Variants in NTRK2 observed in about 807,000 individuals in gnomAD.
NTRK2 encodes the protein BDNF/NT-3 growth factors receptor.
In NTRK2, 13 loss-of-function variants were observed where a neutral mutation model predicts 94.5. The observed-to-expected ratio is 0.14, with a 90% confidence interval of 0.09 to 0.22. The LOEUF is 0.22. Ranked by LOEUF, NTRK2 falls within the 10% of genes least tolerant of loss-of-function variation. The probability of loss-of-function intolerance (pLI) is 1.00; values close to 1 mark genes in which losing one functional copy is unlikely to be tolerated. For synonymous variants in NTRK2, 372 were observed against 407.4 expected, an observed-to-expected ratio of 0.91 and a Z score of 1.05; for missense variants, 639 against 1,071.2, an observed-to-expected ratio of 0.60 and a Z score of 5.63.
intron 12 of NTRK2, among the ~76,000 whole-genome samples, chr9:84,807,853 T>A (rs533171840): frequency 6.6e-6 from 1 of 152,204 alleles, no homozygotes; most frequent in Non-Finnish European, 1.5e-5. Flanking sequence ...CAATATGTAG[T>A]GAAATATCTT....
intron 17 of NTRK2, among the ~76,000 whole-genome samples, chr9:85,011,620 C>G (rs557807297): frequency 4.6e-5 from 7 of 152,068 alleles, no homozygotes; most frequent in Admixed American, 2.6e-4. Flanking sequence ...GGAAGAGAAC[C>G]CTCTCCAGAA....
intron 12 of NTRK2, among the ~76,000 whole-genome samples, chr9:84,820,728 AG>A (rs1224956994): frequency 6.6e-6 from 1 of 152,164 alleles, no homozygotes; most frequent in Non-Finnish European, 1.5e-5. Context: ...TCAAGGATCA[AG>A]TGTGTATGTC....
At chr9:84,941,003 T>G (rs920488594) in intron 15 of NTRK2, among the ~76,000 whole-genome samples, 2 of 152,164 alleles carry the variant, frequency 1.3e-5, no homozygotes, top group Non-Finnish European at 1.5e-5. Context: ...ATGAAAAGAT[T>G]AGTTACTTAA....
chr9:84,953,568 A>C (rs1823736954), intron 16 of NTRK2, among the ~76,000 whole-genome samples: 1 of 152,232 alleles, frequency 6.6e-6, no homozygotes, highest in African/African-American at 2.4e-5. Flanking sequence ...GAGCTGAAGA[A>C]AGCCCTGGAG....
At chr9:84,988,582 G>C (rs540142978) in intron 17 of NTRK2, among the ~76,000 whole-genome samples, 1 of 152,354 alleles carries the variant, frequency 6.6e-6, no homozygotes, top group South Asian at 2.1e-4. Flanking sequence ...ATGGGACCCT[G>C]ATGCGGCGAG....
intron 8 of NTRK2, among the ~76,000 whole-genome samples, chr9:84,725,513 G>A (rs1198641373): frequency 6.6e-6 from 1 of 151,998 alleles, no homozygotes; most frequent in African/African-American, 2.4e-5. Flanking sequence ...TGGGCTGGTG[G>A]GAGGAAGGTA....
chr9:84,763,304 G>A (rs767318120), intron 12 of NTRK2, among the ~76,000 whole-genome samples: 1 of 151,950 alleles, frequency 6.6e-6, no homozygotes, highest in East Asian at 1.9e-4. Context: ...TACTTGACCT[G>A]GGGACAGGTT....
intron 15 of NTRK2, among the ~76,000 whole-genome samples, chr9:84,938,367 C>T (rs1204191694): frequency 6.6e-6 from 1 of 152,138 alleles, no homozygotes; most frequent in Non-Finnish European, 1.5e-5. Context: ...GTCGGGATGG[C>T]CCCTACCCAG....
chr9:84,949,764 C>A (rs1040743108), intron 16 of NTRK2, among the ~76,000 whole-genome samples: 4 of 152,180 alleles, frequency 2.6e-5, no homozygotes, highest in African/African-American at 9.7e-5. Context: ...CCACACCTGG[C>A]CCTGATTGGG....
Position 84,876,636 on chromosome 9 carries a change from AT to A in NTRK2, c.1633+9206del, listed in dbSNP as rs2076078560. The A allele has an allele frequency of 7.6e-6, 8 of 1,058,378 alleles. No homozygotes were observed. The South Asian group carries it at 3.7e-4, about 48-fold the overall frequency. The allele number at this position is 1,058,378 out of a possible 1,614,324, so 65.6% of individuals were successfully genotyped here. On this transcript the variant is annotated intron_variant, in intron 14 of 18. Transcript: ENST00000277120. ...CATAAACATCAATATCTTTACCCAC[AT>A]GATTTTTCCATCCTCCCATTTTTTT... is the stretch of plus-strand genomic sequence containing the variant.
intron 11 of NTRK2, among the ~76,000 whole-genome samples, chr9:84,747,473 GTT>G (rs766939495): frequency 1.6e-5 from 2 of 122,358 alleles, no homozygotes; most frequent in Non-Finnish European, 1.7e-5. Flanking sequence ...AGTTTTCTGG[GTT>G]TTTTTTTTTT....
intron 12 of NTRK2, among the ~76,000 whole-genome samples, chr9:84,759,959 A>C (rs2065406796): frequency 6.6e-6 from 1 of 152,204 alleles, no homozygotes; most frequent in Non-Finnish European, 1.5e-5. Context: ...CTTTATTTTG[A>C]GCAAGAATAC....
At chr9:84,877,409 G>C in intron 14 of NTRK2, 1 of 1,066,106 alleles carries the variant, frequency 9.4e-7, no homozygotes, top group South Asian at 4.5e-5. Context: ...CTTTTGGAGA[G>C]AGGGGACTTT....
At chr9:85,006,059 C>G (rs946638196) in intron 17 of NTRK2, among the ~76,000 whole-genome samples, 7 of 152,128 alleles carry the variant, frequency 4.6e-5, no homozygotes, top group Admixed American at 2.6e-4. Flanking sequence ...TATATTTTTG[C>G]TGAATAAGTG....
chr9:84,998,560 G>A (rs796295791), intron 17 of NTRK2, among the ~76,000 whole-genome samples: 4 of 152,210 alleles, frequency 2.6e-5, no homozygotes, highest in South Asian at 2.1e-4. Context: ...TTGCCTCCAC[G>A]GCCAAGGGGA....
At chr9:84,860,193 A>G (rs1034098639) in intron 12 of NTRK2, among the ~76,000 whole-genome samples, 7 of 152,122 alleles carry the variant, frequency 4.6e-5, no homozygotes, top group African/African-American at 1.7e-4. Context: ...CATTCCCTTT[A>G]CCCTTCTCAT....
At chr9:84,720,732 A>G (rs1461853914) in intron 6 of NTRK2, among the ~76,000 whole-genome samples, 1 of 152,228 alleles carries the variant, frequency 6.6e-6, no homozygotes, top group East Asian at 1.9e-4. Context: ...AGAAATGATT[A>G]TAAATATATG....
chr9:84,996,747 A>G (rs1179098193), intron 17 of NTRK2, among the ~76,000 whole-genome samples: 1 of 152,208 alleles, frequency 6.6e-6, no homozygotes. Flanking sequence ...AATATTGTAT[A>G]CAGAGGAGAT....
chr9:84,878,020 T>C, intron 14 of NTRK2: 1 of 890,240 alleles, frequency 1.1e-6, no homozygotes, highest in South Asian at 5.2e-5. Context: ...GTTGTCCGCA[T>C]TGGTTCCCCA....
Sources: allele counts gnomAD v4.1 joint callset (sites outside exome capture counted in the v4.1 genomes callset), GRCh38; gene constraint gnomAD v4.1.1; transcripts MANE v1.5; gene names NCBI Gene and HGNC (gene_info 2026-07-23, HGNC 2026-07-21).